LUZP2: variants seen among roughly 807,000 people sequenced by gnomAD.
The protein encoded by LUZP2 is leucine zipper protein 2.
In LUZP2, 52 loss-of-function variants were observed where a neutral mutation model predicts 51.6. That is an observed-to-expected ratio of 1.01 (90% CI 0.81 to 1.27). The LOEUF is 1.27. LUZP2 is among the 50% of genes most tolerant of loss of function. The probability of loss-of-function intolerance (pLI) is 0.00; values close to 1 mark genes in which losing one functional copy is unlikely to be tolerated. For synonymous variants in LUZP2, 154 were observed against 137.3 expected (o/e 1.12, Z -0.85); for missense variants, 436 against 395.4 (o/e 1.10, Z -0.87).
intron 1 of LUZP2, among the ~76,000 whole-genome samples, chr11:24,605,476 G>C (rs1044839197): frequency 6.6e-6 from 1 of 151,312 alleles, no homozygotes; most frequent in East Asian, 1.9e-4. Flanking sequence ...TGACAATAAA[G>C]TTATATAATA....
At chr11:25,073,280 G>A (rs1859207550) in intron 10 of LUZP2, among the ~76,000 whole-genome samples, 2 of 152,124 alleles carry the variant, frequency 1.3e-5, no homozygotes, top group Admixed American at 6.6e-5. Context: ...GCCCACTCAG[G>A]CTTCTTATGA....
At chr11:24,996,264 A>T (rs1241605770) in intron 9 of LUZP2, among the ~76,000 whole-genome samples, 3 of 151,558 alleles carry the variant, frequency 2.0e-5, no homozygotes, top group African/African-American at 2.4e-5. Flanking sequence ...TCTATTAAAT[A>T]AATAATACGT....
intron 9 of LUZP2, among the ~76,000 whole-genome samples, chr11:25,045,019 T>C (rs1858251992): frequency 8.9e-6 from 1 of 111,984 alleles, no homozygotes; most frequent in Non-Finnish European, 1.7e-5. Flanking sequence ...TGAGAACACA[T>C]GGACACAGGA....
intron 1 of LUZP2, among the ~76,000 whole-genome samples, chr11:24,668,242 T>A (rs2133996254): frequency 6.6e-6 from 1 of 152,276 alleles, no homozygotes; most frequent in African/African-American, 2.4e-5. Context: ...TGTTTGGAAA[T>A]AAAACAAACT....
intron 10 of LUZP2, among the ~76,000 whole-genome samples, chr11:25,066,146 G>A (rs553411082): frequency 8.1e-5 from 12 of 147,304 alleles, no homozygotes; most frequent in Non-Finnish European, 1.2e-4. Flanking sequence ...TTGTCTTCTC[G>A]GGGGATTTTA....
At chr11:25,055,580 T>C (rs988891954) in intron 10 of LUZP2, among the ~76,000 whole-genome samples, 2 of 152,066 alleles carry the variant, frequency 1.3e-5, no homozygotes, top group Non-Finnish European at 2.9e-5. Flanking sequence ...CTATAGGTAG[T>C]TGCAGTGTTG....
intron 10 of LUZP2, among the ~76,000 whole-genome samples, chr11:25,052,241 T>C (rs943762004): frequency 3.3e-5 from 5 of 152,126 alleles, no homozygotes; most frequent in African/African-American, 1.2e-4. Context: ...ATAAACCAGG[T>C]GTGAGTAATC....
At chr11:24,592,556 T>C (rs778474916) in intron 1 of LUZP2, among the ~76,000 whole-genome samples, 1 of 152,168 alleles carries the variant, frequency 6.6e-6, no homozygotes, top group Non-Finnish European at 1.5e-5. Flanking sequence ...TGACCTAATA[T>C]ATAACTGGAA....
In LUZP2 at chr11:24,540,921, A is replaced by C. The variant is rs1358601752; in HGVS notation, c.62+43616A>C. 2.0e-5 allele frequency among the ~76,000 whole-genome samples: 3 copies of C among 152,292 alleles called. No homozygotes were observed. In the South Asian group the frequency reaches 6.2e-4, roughly 32 times the overall value. On this transcript the variant is annotated intron_variant, in intron 1 of 11. Transcript: ENST00000336930. ...CAAAACATAATTTAAATAATTGCTTAGCTATTCCAAAGATGTAAACGTGAC... is the reference window on the plus strand; with the variant it reads ...CAAAACATAATTTAAATAATTGCTTCGCTATTCCAAAGATGTAAACGTGAC...
intron 1 of LUZP2, among the ~76,000 whole-genome samples, chr11:24,530,440 T>C (rs1022614053): frequency 1.3e-5 from 2 of 150,902 alleles, no homozygotes; most frequent in Non-Finnish European, 3.0e-5. Context: ...CACATACATA[T>C]ACATATATGA....
intron 5 of LUZP2, among the ~76,000 whole-genome samples, chr11:24,782,281 G>A (rs1447516239): frequency 6.6e-6 from 1 of 152,058 alleles, no homozygotes; most frequent in African/African-American, 2.4e-5. Flanking sequence ...TATGGTCAGA[G>A]TGCAGCTGTG....
intron 1 of LUZP2, among the ~76,000 whole-genome samples, chr11:24,660,294 G>T (rs1029763217): frequency 6.6e-6 from 1 of 152,084 alleles, no homozygotes; most frequent in Non-Finnish European, 1.5e-5. Context: ...TGTAGCAAAA[G>T]AAATAAAATA....
intron 3 of LUZP2, among the ~76,000 whole-genome samples, chr11:24,733,752 T>A (rs10834468): frequency 0.35 from 52,236 of 150,574 alleles, 10,028 homozygotes; most frequent in East Asian, 0.54. Flanking sequence ...TAAAAAAAAA[T>A]TTTAAAAAAA....
chr11:25,041,007 C>T (rs1042476671), intron 9 of LUZP2, among the ~76,000 whole-genome samples: 10 of 152,128 alleles, frequency 6.6e-5, no homozygotes, highest in Non-Finnish European at 1.3e-4. Context: ...CTAGTGGCTA[C>T]AGGCTATGTG....
At chr11:24,628,747 C>T (rs1854774356) in intron 1 of LUZP2, among the ~76,000 whole-genome samples, 1 of 151,982 alleles carries the variant, frequency 6.6e-6, no homozygotes, top group Non-Finnish European at 1.5e-5. Context: ...TTAGTAGAGT[C>T]AGGGTTTCAC....
intron 1 of LUZP2, among the ~76,000 whole-genome samples, chr11:24,706,130 G>A (rs1214447243): frequency 6.6e-6 from 1 of 152,000 alleles, no homozygotes; most frequent in Non-Finnish European, 1.5e-5. Context: ...CGTATTCTAA[G>A]GTGCATAAAA....
At chr11:24,518,123 T>C (rs959605599) in intron 1 of LUZP2, among the ~76,000 whole-genome samples, 2 of 152,226 alleles carry the variant, frequency 1.3e-5, no homozygotes, top group East Asian at 1.9e-4. Flanking sequence ...TAAGATAACA[T>C]TGAATTCAAA....
chr11:24,726,960 A>C (rs1009115418), intron 1 of LUZP2, among the ~76,000 whole-genome samples: 1 of 152,114 alleles, frequency 6.6e-6, no homozygotes, highest in Non-Finnish European at 1.5e-5. Flanking sequence ...TTTGAATCTA[A>C]AGTAGTACTG....
At chr11:24,838,435 GA>G (rs1252121577) in intron 5 of LUZP2, among the ~76,000 whole-genome samples, 8 of 151,522 alleles carry the variant, frequency 5.3e-5, no homozygotes, top group Admixed American at 4.0e-4. Context: ...CTGGTACATG[GA>G]AAAGGTCTTC....
Sources: allele counts gnomAD v4.1 joint callset (sites outside exome capture counted in the v4.1 genomes callset), GRCh38; gene constraint gnomAD v4.1.1; transcripts MANE v1.5; gene names NCBI Gene and HGNC (gene_info 2026-07-23, HGNC 2026-07-21).